The following ZGLP1 variants were observed in gnomAD, a reference collection of about 807,000 sequenced individuals.
ZGLP1 encodes the protein zinc finger GATA like protein 1.
In ZGLP1, 11 loss-of-function variants were observed where a neutral mutation model predicts 21.4. That is an observed-to-expected ratio of 0.51 (90% CI 0.32 to 0.85). The LOEUF is 0.85. Among genes scored for constraint, ZGLP1 ranks in the 40% least tolerant of loss-of-function variants. The probability of loss-of-function intolerance (pLI) is 0.03; values close to 1 mark genes in which losing one functional copy is unlikely to be tolerated. For missense variants in ZGLP1, 295 were observed against 355.6 expected (o/e 0.83, Z 1.37); for synonymous variants, 148 against 145.0 (o/e 1.02, Z -0.15).
At chr19:10,308,161 G>A (rs376611298) in intron 1 of ZGLP1, 24 bp downstream of exon 2, 4 of 1,513,476 alleles carry the variant, frequency 2.6e-6, no homozygotes, top group South Asian at 2.6e-5. Flanking sequence ...GAGAAAGGGC[G>A]GCCTGGCCCC....
intron 1 of ZGLP1, 53 bp downstream of exon 2, chr19:10,308,132 G>C (rs2040289654): frequency 6.6e-7 from 1 of 1,505,278 alleles, no homozygotes; most frequent in Admixed American, 2.3e-5. Context: ...TCCCACACTG[G>C]TGTTTGCGTT....
At chr19:10,308,792 C>G (rs55905227) in exon 1 of ZGLP1, 2 of 1,070,408 alleles carry the variant, frequency 1.9e-6, no homozygotes, top group Non-Finnish European at 2.5e-6. Flanking sequence ...CCTTACGGCA[C>G]CCGTAGATCA....
exon 1 of ZGLP1, chr19:10,309,007 G>T: frequency 4.5e-6 from 1 of 222,806 alleles, no homozygotes; most frequent in Non-Finnish European, 8.7e-6. Context: ...TCAGCCTCCC[G>T]AGTAGCTGGG....
rs1599287685 is a variant in ZGLP1, at chr19:10,305,981, G to T, written c.498-29C>A. ...TGGGGCAGACAAGGTATTAGCACTG[G>T]GGGGGATCTGTAGCTTGTCCCCAAC... On this transcript the variant is annotated intron_variant, in intron 1 of 3. Coordinates refer to ENST00000403903, the Ensembl canonical transcript of ZGLP1. This position sits in a 1 kb window ranked among gnomAD's most constrained non-coding sequence, Gnocchi z 4.7. The T allele has an allele frequency of 5.4e-6, 8 of 1,482,406 alleles. No homozygotes were observed. The highest frequency in any genetic ancestry group is 7.4e-6 in the Non-Finnish European group (8 of 1,087,564). The allele number at this position is 1,482,406 out of a possible 1,614,324, so 91.8% of individuals were successfully genotyped here.
chr19:10,308,499 T>C, exon 1 of ZGLP1: 1 of 1,611,056 alleles, frequency 6.2e-7, no homozygotes, highest in Non-Finnish European at 8.5e-7. Flanking sequence ...CCACTGTCTC[T>C]TGGAGGAAGC....
chr19:10,308,502 G>A (rs1407704906), exon 1 of ZGLP1: 2 of 1,611,136 alleles, frequency 1.2e-6, no homozygotes, highest in Non-Finnish European at 1.7e-6. Context: ...CTGTCTCTTG[G>A]AGGAAGCACA....
chr19:10,307,754 G>A (rs1050224879), intron 1 of ZGLP1, among the ~76,000 whole-genome samples: 1 of 151,906 alleles, frequency 6.6e-6, no homozygotes, highest in Non-Finnish European at 1.5e-5. Context: ...GACTTCAGGT[G>A]ATCTGCTCGC....
chr19:10,308,127 C>T, intron 1 of ZGLP1, 58 bp downstream of exon 2: 1 of 1,503,234 alleles, frequency 6.7e-7, no homozygotes, highest in Admixed American at 2.3e-5. Context: ...CTACCTCCCA[C>T]ACTGGTGTTT....
In ZGLP1 at chr19:10,308,623, TG is replaced by T; in HGVS notation, c.58del (p.Gln20LysfsTer112). On this transcript the variant is annotated frameshift_variant, in exon 1 of 4. Coordinates refer to ENST00000403903, the Ensembl canonical transcript of ZGLP1. LOFTEE classifies it high-confidence loss of function. ...TTTAGCCGGCCAGGGGGTTCCAACTTGGGCCGGCTCTTTGTGTACCCTTGGA... is the reference window on the plus strand; with the variant it reads ...TTTAGCCGGCCAGGGGGTTCCAACTTGGCCGGCTCTTTGTGTACCCTTGGA... 6.5e-7 allele frequency: 1 copy of T among 1,533,244 alleles called. No individual in the cohort carries two copies. The highest frequency in any genetic ancestry group is 8.8e-7 in the Non-Finnish European group (1 of 1,140,468). The allele number at this position is 1,533,244 out of a possible 1,614,324, so 95.0% of individuals were successfully genotyped here.
exon 4 of ZGLP1, chr19:10,304,838 T>C: frequency 1.8e-6 from 1 of 545,160 alleles, no homozygotes; most frequent in Non-Finnish European, 3.2e-6. Flanking sequence ...GTCCCTGCTG[T>C]AACAATGCTC....
At chr19:10,307,411 G>A (rs1222232018) in intron 1 of ZGLP1, among the ~76,000 whole-genome samples, 1 of 148,914 alleles carries the variant, frequency 6.7e-6, no homozygotes, top group Non-Finnish European at 1.5e-5. Flanking sequence ...GTGCAGTGGT[G>A]CCATCTCTGC....
chr19:10,309,626 G>C (rs1432265979), exon 1 of ZGLP1: 1 of 152,482 alleles, frequency 6.6e-6, no homozygotes, highest in Non-Finnish European at 1.5e-5. Context: ...AGCTGAGAGC[G>C]ACCAGCCTCG....
In ZGLP1 at chr19:10,305,514, C is replaced by T; in HGVS notation, c.605-31G>A. On this transcript the variant is annotated intron_variant, in intron 2 of 3. Transcript: ENST00000403903. The surrounding 1 kb of genome is among the most constrained non-coding windows in gnomAD (Gnocchi z 4.7). ...GGGTCAGAGGTCAAAGGGCAGGGGT[C>T]AGAGGCCAAGCATGTGAGCTCGGGA... The T allele has an allele frequency of 6.4e-7, 1 of 1,564,730 alleles. No individual in the cohort carries two copies. The highest frequency in any genetic ancestry group is 1.3e-5 in the African/African-American group (1 of 74,120).
intron 1 of ZGLP1, among the ~76,000 whole-genome samples, chr19:10,307,596 A>G (rs1208648127): frequency 7.0e-6 from 1 of 142,590 alleles, no homozygotes; most frequent in African/African-American, 2.6e-5. Context: ...CTTACTGAAG[A>G]CTTCACCTCC....
In ZGLP1 at chr19:10,308,562, G is replaced by C; in HGVS notation, c.120C>G (p.Ala40=). The C allele has an allele frequency of 6.3e-7, 1 of 1,597,202 alleles. No homozygotes were observed. The highest frequency in any genetic ancestry group is 8.5e-7 in the Non-Finnish European group (1 of 1,170,686). Reference sequence around the variant, plus strand: ...CAGGCCAGAGGGACCTGGGGAGAAGGGCAGTGGGGTCACGTTTTCTTGGGT... The same window carrying C: ...CAGGCCAGAGGGACCTGGGGAGAAGCGCAGTGGGGTCACGTTTTCTTGGGT... The change falls in exon 1 of 4, where the codon GCC becomes GCG. Residue 40 remains alanine (A), a synonymous_variant. Coordinates refer to ENST00000403903, the Ensembl canonical transcript of ZGLP1.
At position 10,305,978 on chromosome 19, in the gene ZGLP1, C is replaced by T. The variant is rs776000357; in HGVS notation, c.498-26G>A. 1 of 1,498,236 alleles carries T rather than the reference C, an allele frequency of 6.7e-7. No individual in the cohort carries two copies. The highest frequency in any genetic ancestry group is 2.5e-5 in the East Asian group (1 of 40,696). 92.8% of individuals were successfully genotyped at this position (1,498,236 alleles called of 1,614,324 possible). A position where few individuals can be genotyped will look rare whatever the true frequency, so the allele number is the denominator to read the frequency against. On this transcript the variant is annotated intron_variant, in intron 1 of 3. Transcript: ENST00000403903. This position sits in a 1 kb window ranked among gnomAD's most constrained non-coding sequence, Gnocchi z 4.7. Reference sequence around the variant, plus strand: ...CTGTGGGGCAGACAAGGTATTAGCACTGGGGGGGATCTGTAGCTTGTCCCC... The same window carrying T: ...CTGTGGGGCAGACAAGGTATTAGCATTGGGGGGGATCTGTAGCTTGTCCCC...
chr19:10,307,384 C>CT (rs1197710838), intron 1 of ZGLP1, among the ~76,000 whole-genome samples: 1 of 143,868 alleles, frequency 7.0e-6, no homozygotes, highest in Non-Finnish European at 1.5e-5. Flanking sequence ...GAGTCTTGCT[C>CT]TGTCACCCAG....
intron 1 of ZGLP1, 51 bp from the exon 3 acceptor site, chr19:10,306,003 C>T: frequency 3.0e-6 from 4 of 1,318,492 alleles, no homozygotes; most frequent in Non-Finnish European, 3.2e-6. Context: ...AGCTTGTCCC[C>T]AACAGCCCTC....
chr19:10,305,930 G>C lies in ZGLP1; in HGVS notation c.520C>G (p.Gln174Glu). 6.4e-7 allele frequency: 1 copy of C among 1,563,288 alleles called. No homozygotes were observed. Reference sequence around the variant, plus strand: ...CCAACAGCATCTGCAGGGGATTCCTGAGAACGGCTACTGCAGGGCAGGCTG... The same window carrying C: ...CCAACAGCATCTGCAGGGGATTCCTCAGAACGGCTACTGCAGGGCAGGCTG... Residue 174 changes from glutamine (Q) to glutamate (E), a missense_variant, in exon 2 of 4, where the codon CAG becomes GAG. By Grantham distance (29) the Gln-to-Glu change is conservative (BLOSUM62 2). Transcript: ENST00000403903. This position sits in a 1 kb window ranked among gnomAD's most constrained non-coding sequence, Gnocchi z 4.7.
Sources: allele counts gnomAD v4.1 joint callset (sites outside exome capture counted in the v4.1 genomes callset), GRCh38; gene constraint gnomAD v4.1.1; non-coding constraint Gnocchi (gnomAD v3.1); transcripts MANE v1.5; gene names NCBI Gene and HGNC (gene_info 2026-07-23, HGNC 2026-07-21).